LIPA: variants seen among roughly 807,000 people sequenced by gnomAD.
LIPA encodes lipase A, lysosomal acid type.
In LIPA, 26 loss-of-function variants were observed where a neutral mutation model predicts 40.6. The ratio of observed to expected loss-of-function variants is 0.64; its 90% CI spans 0.47 to 0.89. The LOEUF is 0.89. Among genes scored for constraint, LIPA ranks in the 40% least tolerant of loss-of-function variants. LIPA has a pLI of 0.00. For synonymous variants in LIPA, 188 were observed against 168.4 expected (o/e 1.12, Z -0.90); for missense variants, 455 against 479.6 (o/e 0.95, Z 0.48).
chr10:89,379,528 A>G (rs1844145597), intron 2 of LIPA, among the ~76,000 whole-genome samples: 1 of 152,176 alleles, frequency 6.6e-6, no homozygotes, highest in South Asian at 2.1e-4. Flanking sequence ...CTTTCACTCA[A>G]AAGTATTCTG....
chr10:89,218,715 C>T (rs1482105377), intron 8 of LIPA, among the ~76,000 whole-genome samples: 1 of 152,176 alleles, frequency 6.6e-6, no homozygotes, highest in Admixed American at 6.5e-5. Flanking sequence ...CCGAGGATGG[C>T]AGAGCTATAG....
chr10:89,363,446 G>A (rs1413581051), intron 2 of LIPA: 3 of 152,160 alleles, frequency 2.0e-5, no homozygotes, highest in African/African-American at 7.2e-5. Context: ...TTTCAGGAAT[G>A]TCATGGGAAG....
chr10:89,318,183 A>G (rs75538866), intron 1 of LIPA, among the ~76,000 whole-genome samples: 1 of 152,234 alleles, frequency 6.6e-6, no homozygotes, highest in African/African-American at 2.4e-5. Context: ...ACCAGCTAAC[A>G]TGATAAGGAC....
chr10:89,255,073 C>T (rs1471430264), upstream of LIPA, among the ~76,000 whole-genome samples: 1 of 152,216 alleles, frequency 6.6e-6, no homozygotes, highest in Non-Finnish European at 1.5e-5. Flanking sequence ...ACTGTTCCAA[C>T]CTCTGCCTGT....
At chr10:89,378,976 G>A (rs76143606) in intron 2 of LIPA, among the ~76,000 whole-genome samples, 132 of 152,234 alleles carry the variant, frequency 8.7e-4, no homozygotes, top group African/African-American at 2.9e-3. Flanking sequence ...ACTGGCCCGG[G>A]GACCAGTCAG....
chr10:89,263,393 C>A (rs145026137), intron 1 of LIPA, among the ~76,000 whole-genome samples: 252 of 152,290 alleles, frequency 1.7e-3, no homozygotes, highest in African/African-American at 5.7e-3. Flanking sequence ...TGGATTGCTA[C>A]CAAAAACTAC....
intron 1 of LIPA, among the ~76,000 whole-genome samples, chr10:89,267,351 G>T (rs1164481791): frequency 6.6e-6 from 1 of 152,142 alleles, no homozygotes; most frequent in Non-Finnish European, 1.5e-5. Context: ...GAAGGAGAAA[G>T]TCTCACAGAA....
At chr10:89,260,654 G>A (rs766987674) in intron 1 of LIPA, among the ~76,000 whole-genome samples, 2 of 152,094 alleles carry the variant, frequency 1.3e-5, no homozygotes, top group Non-Finnish European at 2.9e-5. Context: ...CTTTGGCTGT[G>A]TTTTCCCCAC....
chr10:89,365,311 T>C (rs1844048940), intron 2 of LIPA, among the ~76,000 whole-genome samples: 1 of 152,230 alleles, frequency 6.6e-6, no homozygotes, highest in Non-Finnish European at 1.5e-5. Context: ...GACAGAGATC[T>C]TGTAAATTTG....
chr10:89,250,702 T>C (rs115296299), intron 1 of LIPA, among the ~76,000 whole-genome samples: 1,601 of 152,330 alleles, frequency 0.011, 27 homozygotes, highest in African/African-American at 0.036. Flanking sequence ...GGAAGGTCCA[T>C]GAGAGTAACA....
chr10:89,229,873 G>A (rs1214042003), intron 3 of LIPA, among the ~76,000 whole-genome samples: 2 of 152,074 alleles, frequency 1.3e-5, no homozygotes, highest in East Asian at 1.9e-4. Context: ...GGAGTGTGGG[G>A]GCAGAGGGTG....
chr10:89,294,740 T>C (rs545642162), intron 1 of LIPA, among the ~76,000 whole-genome samples: 5 of 152,174 alleles, frequency 3.3e-5, no homozygotes, highest in African/African-American at 1.2e-4. Context: ...TTTGGGATGC[T>C]GAAGCAGGAA....
intron 1 of LIPA, among the ~76,000 whole-genome samples, chr10:89,267,793 CTCCA>C (rs1843245841): frequency 6.6e-6 from 1 of 151,412 alleles, no homozygotes; most frequent in Middle Eastern, 3.2e-3. Context: ...CCATCACTTT[CTCCA>C]TCCTTTCAAT....
chr10:89,230,612 T>C (rs949850103), intron 3 of LIPA, among the ~76,000 whole-genome samples: 2 of 152,170 alleles, frequency 1.3e-5, no homozygotes, highest in Non-Finnish European at 2.9e-5. Context: ...AGCCCGATCA[T>C]GAGTTTTAGA....
chr10:89,328,047 G>A (rs1136864), intron 1 of LIPA: 4 of 1,613,802 alleles, frequency 2.5e-6, no homozygotes, highest in Non-Finnish European at 2.5e-6. Context: ...CCAGCTTTTC[G>A]GAACAGCAGA....
chr10:89,412,503 CA>C, intron 2 of LIPA: 1 of 180,506 alleles, frequency 5.5e-6, no homozygotes, highest in Non-Finnish European at 1.2e-5. Flanking sequence ...AAAAGCAGGC[CA>C]CCCCAGCCAG....
At chr10:89,244,521 G>C (rs1360111793) in intron 3 of LIPA, among the ~76,000 whole-genome samples, 1 of 152,158 alleles carries the variant, frequency 6.6e-6, no homozygotes, top group African/African-American at 2.4e-5. Flanking sequence ...GGCGGAGGTT[G>C]CAGTGAGCCA....
chr10:89,262,228 CA>C lies in LIPA; in HGVS notation c.-1-14580del, dbSNP rs34695743. Among the ~76,000 whole-genome samples the C allele has an allele frequency of 1.1e-3, 154 of 144,026 alleles. 1 individual carries two copies. The East Asian group carries it at 0.013, about 12-fold the overall frequency. The allele number at this position is 144,026 out of a possible 152,430, so 94.5% of individuals were successfully genotyped here. A position where few individuals can be genotyped will look rare whatever the true frequency, so the allele number is the denominator to read the frequency against. ...GCACACACAAATGGACTGAACGTTC[CA>C]AAAAAAAAAATCAGCATATACCATC... On this transcript the variant is annotated intron_variant, in intron 1 of 5. Transcript: ENST00000282673.
At chr10:89,270,334 A>G (rs1935336865) in intron 1 of LIPA, among the ~76,000 whole-genome samples, 3 of 152,218 alleles carry the variant, frequency 2.0e-5, no homozygotes, top group Admixed American at 2.0e-4. Flanking sequence ...CCATTTCACA[A>G]TACATCATGT....
Sources: gnomAD v4.1 joint callset for allele counts (sites outside exome capture counted in the v4.1 genomes callset) on GRCh38, gnomAD v4.1.1 for gene constraint, MANE v1.5 for transcripts, NCBI Gene and HGNC (gene_info 2026-07-23, HGNC 2026-07-21) for gene names.